Variants in DNAJC15 observed in about 807,000 individuals in gnomAD.
DNAJC15 encodes dnaJ homolog subfamily C member 15.
A neutral mutation model predicts 22.4 loss-of-function variants in DNAJC15; 27 were observed. The ratio of observed to expected loss-of-function variants is 1.20; its 90% CI spans 0.89 to 1.66. The LOEUF (loss-of-function observed/expected upper bound fraction) is 1.66, where lower values mean the gene tolerates loss of function less well. Among genes scored for constraint, DNAJC15 ranks in the 40% most tolerant of loss-of-function variants. The pLI is 0.00. For missense variants in DNAJC15, 208 were observed against 187.1 expected, an observed-to-expected ratio of 1.11 and a Z score of -0.65; for synonymous variants, 79 against 63.2, an observed-to-expected ratio of 1.25 and a Z score of -1.19.
intron 5 of DNAJC15, among the ~76,000 whole-genome samples, chr13:43,099,595 G>A (rs2040757292): frequency 6.6e-6 from 1 of 152,120 alleles, no homozygotes; most frequent in African/African-American, 2.4e-5. Context: ...TTTCCTGAAA[G>A]TGTGTTGAAT....
chr13:43,044,956 A>T (rs368102074), intron 1 of DNAJC15, among the ~76,000 whole-genome samples: 2 of 152,296 alleles, frequency 1.3e-5, no homozygotes, highest in South Asian at 2.1e-4. Flanking sequence ...AAGTAGAATG[A>T]TCCTTAGAAT....
At chr13:43,041,334 C>A (rs1000295504) in intron 1 of DNAJC15, among the ~76,000 whole-genome samples, 1 of 152,294 alleles carries the variant, frequency 6.6e-6, no homozygotes, top group African/African-American at 2.4e-5. Context: ...ATCCATTTAA[C>A]CCTGAGTTGA....
intron 5 of DNAJC15, 121 bp downstream of exon 5, chr13:43,085,959 T>C: frequency 1.2e-6 from 1 of 821,938 alleles, no homozygotes; most frequent in Non-Finnish European, 1.8e-6. Context: ...TGTATTGTGA[T>C]TTTTTTCTCA....
chr13:43,032,557 C>T (rs561172843), intron 1 of DNAJC15, among the ~76,000 whole-genome samples: 3 of 152,250 alleles, frequency 2.0e-5, no homozygotes, highest in African/African-American at 7.2e-5. Flanking sequence ...AGTGTGGTGG[C>T]TCACGCTTGT....
intron 1 of DNAJC15, among the ~76,000 whole-genome samples, chr13:43,043,193 C>T (rs542430861): frequency 6.6e-6 from 1 of 152,276 alleles, no homozygotes; most frequent in African/African-American, 2.4e-5. Context: ...TGCAAACCTC[C>T]GTCTCCCGGG....
intron 5 of DNAJC15, among the ~76,000 whole-genome samples, chr13:43,101,602 A>G (rs139851212): frequency 6.6e-6 from 1 of 152,224 alleles, no homozygotes; most frequent in East Asian, 1.9e-4. Flanking sequence ...AAAGTCCATT[A>G]TATCATTCTT....
At chr13:43,044,594 C>T (rs2040467804) in intron 1 of DNAJC15, among the ~76,000 whole-genome samples, 1 of 152,046 alleles carries the variant, frequency 6.6e-6, no homozygotes, top group South Asian at 2.1e-4. Context: ...CCTTTTAGTT[C>T]CTTTTGGTTG....
At chr13:43,085,193 C>T (rs2040681701) in intron 4 of DNAJC15, among the ~76,000 whole-genome samples, 1 of 152,066 alleles carries the variant, frequency 6.6e-6, no homozygotes, top group Admixed American at 6.5e-5. Context: ...GAAACCCTGT[C>T]TCTACTAAAA....
intron 4 of DNAJC15, among the ~76,000 whole-genome samples, chr13:43,084,899 T>A (rs1425359840): frequency 6.6e-6 from 1 of 152,200 alleles, no homozygotes; most frequent in Non-Finnish European, 1.5e-5. Flanking sequence ...AAAAGATAAC[T>A]ATAATGAAGC....
chr13:43,046,952 C>CTGGT (rs1368143189), intron 1 of DNAJC15, among the ~76,000 whole-genome samples: 3 of 152,218 alleles, frequency 2.0e-5, no homozygotes, highest in Non-Finnish European at 4.4e-5. Flanking sequence ...GAGCTGAACA[C>CTGGT]TGGTTGCTGG....
At chr13:43,090,392 G>A (rs1018797349) in intron 5 of DNAJC15, among the ~76,000 whole-genome samples, 1 of 152,130 alleles carries the variant, frequency 6.6e-6, no homozygotes, top group Admixed American at 6.5e-5. Flanking sequence ...TTAGGTTGTA[G>A]TTCATTACGT....
At chr13:43,025,433 T>C (rs1449389714) in intron 1 of DNAJC15, among the ~76,000 whole-genome samples, 2 of 152,174 alleles carry the variant, frequency 1.3e-5, no homozygotes, top group Non-Finnish European at 2.9e-5. Context: ...TCTTTAGTAG[T>C]CCAGGTACTT....
chr13:43,044,108 A>G (rs1432678867), intron 1 of DNAJC15, among the ~76,000 whole-genome samples: 1 of 152,158 alleles, frequency 6.6e-6, no homozygotes, highest in Non-Finnish European at 1.5e-5. Context: ...TTGATTTGCC[A>G]GCAGTCTTTC....
chr13:43,055,565 G>A (rs980689359), intron 1 of DNAJC15, among the ~76,000 whole-genome samples: 4 of 152,300 alleles, frequency 2.6e-5, no homozygotes, highest in African/African-American at 7.2e-5. Flanking sequence ...AGACAACGAG[G>A]CTGCTTCAGT....
In DNAJC15 at chr13:43,112,311, T is replaced by A. The variant is rs1288040358; in HGVS notation, c.*5063T>A. ...CAGTATCTAGCAGCACTGCTCCAAA[T>A]TTTAAGTCTGAACAGACTATATTAC... On this transcript the variant is annotated 3_prime_UTR_variant, in exon 6 of 6. Coordinates refer to ENST00000379221, the MANE Select transcript of DNAJC15 (RefSeq NM_013238.3). 2.0e-5 allele frequency: 3 copies of A among 152,230 alleles called. No individual in the cohort carries two copies. Among genetic ancestry groups the A allele is most frequent in the Non-Finnish European group, 4.4e-5 (3 of 68,034 alleles). The allele number at this position is 152,230 out of a possible 1,614,324, so 9.4% of individuals were successfully genotyped here.
At chr13:43,103,869 C>T (rs189841935) in intron 5 of DNAJC15, among the ~76,000 whole-genome samples, 1 of 152,244 alleles carries the variant, frequency 6.6e-6, no homozygotes, top group African/African-American at 2.4e-5. Context: ...TAGACTGACC[C>T]TTGTAACACT....
In DNAJC15 at chr13:43,111,428, G is replaced by C. The variant is rs1475585320; in HGVS notation, c.*4180G>C. ...GATTGATCACCCAGCAGCATCATTA[G>C]AAATAATATATTTTATTCATGTGCA... On this transcript the variant is annotated 3_prime_UTR_variant, in exon 6 of 6. Transcript: ENST00000379221. 1 of 152,132 alleles carries C rather than the reference G, an allele frequency of 6.6e-6. No homozygotes were observed. Among genetic ancestry groups the C allele is most frequent in the Admixed American group, 6.5e-5 (1 of 15,278 alleles). The allele number at this position is 152,132 out of a possible 1,614,324, so 9.4% of individuals were successfully genotyped here. A position where few individuals can be genotyped will look rare whatever the true frequency, so the allele number is the denominator to read the frequency against.
At chr13:43,052,405 C>G (rs1442677953) in intron 1 of DNAJC15, among the ~76,000 whole-genome samples, 1 of 151,702 alleles carries the variant, frequency 6.6e-6, no homozygotes, top group Non-Finnish European at 1.5e-5. Flanking sequence ...TGAGAATTGT[C>G]TGTTCATGTC....
intron 5 of DNAJC15, among the ~76,000 whole-genome samples, chr13:43,097,805 C>T (rs1395295047): frequency 6.6e-6 from 1 of 152,076 alleles, no homozygotes; most frequent in African/African-American, 2.4e-5. Context: ...GGCGTGGTGG[C>T]ACATGCCTGT....
Sources: gnomAD v4.1 joint callset for allele counts (sites outside exome capture counted in the v4.1 genomes callset) on GRCh38, gnomAD v4.1.1 for gene constraint, MANE v1.5 for transcripts, NCBI Gene and HGNC (gene_info 2026-07-23, HGNC 2026-07-21) for gene names.